The following MACROD2 variants were observed in gnomAD, a reference collection of about 807,000 sequenced individuals.
MACROD2 encodes the protein ADP-ribose glycohydrolase MACROD2.
Under a neutral mutation model 70.4 loss-of-function variants are expected in MACROD2, and 36 were observed. That is an observed-to-expected ratio of 0.51 (90% CI 0.39 to 0.68). The LOEUF (loss-of-function observed/expected upper bound fraction) is 0.68, where lower values mean the gene tolerates loss of function less well. Among genes scored for constraint, MACROD2 ranks in the 30% least tolerant of loss-of-function variants. The probability of loss-of-function intolerance (pLI) is 0.00; values close to 1 mark genes in which losing one functional copy is unlikely to be tolerated. For missense variants in MACROD2, 496 were observed against 538.4 expected, an observed-to-expected ratio of 0.92 and a Z score of 0.78; for synonymous variants, 172 against 178.8, an observed-to-expected ratio of 0.96 and a Z score of 0.30.
chr20:15,316,816 T>C (rs956751274), intron 6 of MACROD2, among the ~76,000 whole-genome samples: 1 of 152,080 alleles, frequency 6.6e-6, no homozygotes, highest in Non-Finnish European at 1.5e-5. Context: ...TTTCAATTAA[T>C]TTGAAAAGAC....
intron 5 of MACROD2, among the ~76,000 whole-genome samples, chr20:14,813,823 A>T (rs892459220): frequency 5.9e-5 from 9 of 151,952 alleles, no homozygotes; most frequent in African/African-American, 2.2e-4. Flanking sequence ...TGATCCACTT[A>T]ACCTTCAGCC....
intron 15 of MACROD2, among the ~76,000 whole-genome samples, chr20:16,001,987 A>G (rs1010390031): frequency 7.9e-5 from 12 of 151,940 alleles, no homozygotes; most frequent in African/African-American, 2.4e-4. Flanking sequence ...ACATCTAGTA[A>G]TTAGATAGGA....
chr20:15,431,263 C>T (rs1568803069), intron 6 of MACROD2, 142 bp from the exon 7 acceptor site: 2 of 602,796 alleles, frequency 3.3e-6, no homozygotes, highest in East Asian at 3.0e-5. Context: ...TCCCCATTTC[C>T]AGTGTCCCCT....
intron 3 of MACROD2, among the ~76,000 whole-genome samples, chr20:14,413,655 T>A (rs1026329134): frequency 1.3e-5 from 2 of 152,190 alleles, no homozygotes; most frequent in African/African-American, 4.8e-5. Context: ...GACACAAGTT[T>A]CATGTGGCAA....
At chr20:14,977,781 G>A (rs1301764289) in intron 5 of MACROD2, among the ~76,000 whole-genome samples, 1 of 152,154 alleles carries the variant, frequency 6.6e-6, no homozygotes, top group African/African-American at 2.4e-5. Context: ...ATCAGAAAAC[G>A]AAACTGGGAA....
chr20:14,641,829 A>G (rs1419224668), intron 4 of MACROD2, among the ~76,000 whole-genome samples: 6 of 152,210 alleles, frequency 3.9e-5, no homozygotes, highest in African/African-American at 1.4e-4. Context: ...CAGTTAGAGT[A>G]GATTTAACAT....
At chr20:15,273,499 T>C (rs1177554180) in intron 6 of MACROD2, among the ~76,000 whole-genome samples, 1 of 152,110 alleles carries the variant, frequency 6.6e-6, no homozygotes, top group Non-Finnish European at 1.5e-5. Flanking sequence ...CTACCCAAGC[T>C]AATGCTTTCT....
At chr20:14,929,610 C>CA (rs2074273622) in intron 5 of MACROD2, 1 of 152,096 alleles carries the variant, frequency 6.6e-6, no homozygotes, top group South Asian at 2.1e-4. Context: ...GACTCATCTC[C>CA]AACCCCTCTC....
chr20:14,233,649 A>G, intron 3 of MACROD2, among the ~76,000 whole-genome samples: 1 of 139,236 alleles, frequency 7.2e-6, no homozygotes, highest in East Asian at 2.4e-4. Context: ...GTGAGCCGAG[A>G]TTGTGCCACT....
chr20:14,060,889 A>G (rs2148655493), intron 2 of MACROD2, among the ~76,000 whole-genome samples: 1 of 152,254 alleles, frequency 6.6e-6, no homozygotes, highest in East Asian at 1.9e-4. Context: ...TAATATTTGA[A>G]TTAGTTGACA....
At chr20:15,279,809 T>C (rs2077426871) in intron 6 of MACROD2, among the ~76,000 whole-genome samples, 1 of 152,210 alleles carries the variant, frequency 6.6e-6, no homozygotes, top group Non-Finnish European at 1.5e-5. Context: ...AAGGGCTTTG[T>C]AGGTATCATC....
At chr20:15,899,699 C>G (rs891325018) in intron 10 of MACROD2, among the ~76,000 whole-genome samples, 1 of 152,148 alleles carries the variant, frequency 6.6e-6, no homozygotes, top group Admixed American at 6.5e-5. Context: ...GACTCTTGCT[C>G]CACAATTGCC....
chr20:15,179,942 G>A (rs1057221047), intron 5 of MACROD2, among the ~76,000 whole-genome samples: 2 of 152,194 alleles, frequency 1.3e-5, no homozygotes, highest in Non-Finnish European at 2.9e-5. Flanking sequence ...TAGTCTGGAA[G>A]TCCAAGATGA....
At chr20:15,685,158 G>A (rs949657159) in intron 8 of MACROD2, among the ~76,000 whole-genome samples, 5 of 151,964 alleles carry the variant, frequency 3.3e-5, no homozygotes, top group Admixed American at 6.6e-5. Flanking sequence ...GTTCTGCATC[G>A]AGTGAAATAC....
chr20:14,067,057 C>T (rs1325230363), intron 2 of MACROD2, among the ~76,000 whole-genome samples: 3 of 150,746 alleles, frequency 2.0e-5, no homozygotes, highest in Non-Finnish European at 4.4e-5. Context: ...GTGATCCGCC[C>T]GTCTCGGCCT....
chr20:15,781,215 C>G (rs2051825442), intron 8 of MACROD2, among the ~76,000 whole-genome samples: 1 of 152,076 alleles, frequency 6.6e-6, no homozygotes, highest in African/African-American at 2.4e-5. Context: ...GGTCACACAG[C>G]TGTATAGCAA....
At chr20:16,022,106 A>G (rs1288926454) in intron 15 of MACROD2, among the ~76,000 whole-genome samples, 3 of 133,092 alleles carry the variant, frequency 2.3e-5, no homozygotes, top group Non-Finnish European at 4.6e-5. Flanking sequence ...GCTGGAGTGC[A>G]GTGGCGCGAT....
chr20:15,769,542 C>T (rs2051587164), intron 8 of MACROD2, among the ~76,000 whole-genome samples: 1 of 152,150 alleles, frequency 6.6e-6, no homozygotes, highest in South Asian at 2.1e-4. Flanking sequence ...ATACCAGCAG[C>T]ACCACAAACG....
At chr20:14,247,126 T>C (rs2081973981) in intron 3 of MACROD2, among the ~76,000 whole-genome samples, 3 of 152,190 alleles carry the variant, frequency 2.0e-5, no homozygotes, top group Admixed American at 6.5e-5. Context: ...CAGATTATTT[T>C]GATAGTTTTA....
Sources: allele counts gnomAD v4.1 joint callset (sites outside exome capture counted in the v4.1 genomes callset), GRCh38; gene constraint gnomAD v4.1.1; transcripts MANE v1.5; gene names NCBI Gene and HGNC (gene_info 2026-07-23, HGNC 2026-07-21).